Variants in KCNB2 observed in about 807,000 individuals in gnomAD.
KCNB2 encodes the protein potassium voltage-gated channel subfamily B member 2.
A neutral mutation model predicts 61.5 loss-of-function variants in KCNB2; 15 were observed. That is an observed-to-expected ratio of 0.24 (90% CI 0.16 to 0.38). The LOEUF (loss-of-function observed/expected upper bound fraction) is 0.38. Among genes scored for constraint, KCNB2 ranks in the 10% least tolerant of loss-of-function variants. The probability of loss-of-function intolerance (pLI) is 1.00; values close to 1 mark genes in which losing one functional copy is unlikely to be tolerated. For missense variants in KCNB2, 828 were observed against 1,125.2 expected, an observed-to-expected ratio of 0.74 and a Z score of 3.78; for synonymous variants, 457 against 446.0, an observed-to-expected ratio of 1.02 and a Z score of -0.31.
At chr8:72,561,790 C>CATATATATATATATACACAT (rs11469723) in intron 1 of KCNB2, among the ~76,000 whole-genome samples, 1 of 40,378 alleles carries the variant, frequency 2.5e-5, no homozygotes, top group African/African-American at 1.2e-4. Context: ...TATATATATA[C>CATATATATATATATACACAT]ATATATATAT....
chr8:72,764,295 G>A (rs768589941), intron 2 of KCNB2, among the ~76,000 whole-genome samples: 10 of 152,240 alleles, frequency 6.6e-5, no homozygotes, highest in Admixed American at 2.0e-4. Flanking sequence ...TCAAGATTTG[G>A]CAAATAACAG....
In KCNB2 at chr8:72,793,874, C is replaced by A. The variant is rs551263842; in HGVS notation, c.580-142061C>A. 1.2e-4 allele frequency among the ~76,000 whole-genome samples: 19 copies of A among 152,328 alleles called. No individual in the cohort carries two copies. The South Asian group carries it at 3.7e-3, about 30-fold the overall frequency. On this transcript the variant is annotated intron_variant, in intron 2 of 2. Coordinates refer to ENST00000523207, the MANE Select transcript of KCNB2 (RefSeq NM_004770.3). ...CAATTACAGTTGCCTTGAGCTTAGT[C>A]ATTTATTCATCAGAGAGTTTCAACA... is the stretch of plus-strand genomic sequence containing the variant.
intron 2 of KCNB2, among the ~76,000 whole-genome samples, chr8:72,903,387 G>A (rs1321512189): frequency 2.6e-5 from 4 of 152,126 alleles, no homozygotes; most frequent in Non-Finnish European, 5.9e-5. Context: ...GGGCATTTGT[G>A]CTCCAACTCT....
In KCNB2 at chr8:72,937,274, C is replaced by G. The variant is rs532976106; in HGVS notation, c.1919C>G (p.Thr640Arg). Residue 640 changes from threonine (T) to arginine (R), a missense_variant, in exon 3 of 3, where the codon ACA becomes AGA. Coordinates refer to ENST00000523207, the MANE Select transcript of KCNB2 (RefSeq NM_004770.3). ...AAGTTCCCAACCGACCTCCCAGGGA[C>G]AGAAGAGCACCAAAGAGCTAGGGGC... ...QMKFPTDLPGTEEHQRARGPP... is the reference protein window; with the variant it reads ...QMKFPTDLPGREEHQRARGPP... 8.0e-5 allele frequency: 129 copies of G among 1,613,898 alleles called. 1 individual carries two copies. The South Asian group carries it at 1.3e-3, about 16-fold the overall frequency.
At chr8:72,789,846 A>C (rs1398375757) in intron 2 of KCNB2, among the ~76,000 whole-genome samples, 4 of 152,096 alleles carry the variant, frequency 2.6e-5, no homozygotes, top group African/African-American at 9.7e-5. Context: ...GCAGGAGGTG[A>C]TATTAATCTG....
At chr8:72,744,391 A>G (rs1808021921) in intron 2 of KCNB2, among the ~76,000 whole-genome samples, 1 of 152,190 alleles carries the variant, frequency 6.6e-6, no homozygotes. Context: ...AATAACTGCC[A>G]GTTACTATTC....
intron 2 of KCNB2, among the ~76,000 whole-genome samples, chr8:72,671,023 G>T (rs1273062129): frequency 6.6e-6 from 1 of 151,938 alleles, no homozygotes. Flanking sequence ...CTATTATTTT[G>T]TACCTACATA....
Position 72,603,455 on chromosome 8 carries a change from C to T in KCNB2, c.579+35142C>T, listed in dbSNP as rs970957657. On this transcript the variant is annotated intron_variant, in intron 2 of 2. Transcript: ENST00000523207. Reference sequence around the variant, plus strand: ...CCCCATATCTACCTACTAATGTGGCCTATTCACCTTTCAAATTTCCATTCA... The same window carrying T: ...CCCCATATCTACCTACTAATGTGGCTTATTCACCTTTCAAATTTCCATTCA... Among the ~76,000 whole-genome samples the T allele has an allele frequency of 5.9e-5, 9 of 152,166 alleles. 1 individual carries two copies. The highest frequency in any genetic ancestry group is 2.2e-4 in the African/African-American group (9 of 41,440).
At chr8:72,914,040 T>C (rs1428384593) in intron 2 of KCNB2, among the ~76,000 whole-genome samples, 2 of 152,202 alleles carry the variant, frequency 1.3e-5, no homozygotes, top group Non-Finnish European at 2.9e-5. Flanking sequence ...GAAATTTATT[T>C]CTCACAGTTC....
chr8:72,589,923 G>T (rs1807067338), intron 2 of KCNB2, among the ~76,000 whole-genome samples: 1 of 152,172 alleles, frequency 6.6e-6, no homozygotes, highest in Non-Finnish European at 1.5e-5. Context: ...TGGAAATACA[G>T]ATTACTTTAC....
At chr8:72,782,594 C>A (rs78032460) in intron 2 of KCNB2, among the ~76,000 whole-genome samples, 1 of 152,142 alleles carries the variant, frequency 6.6e-6, no homozygotes, top group African/African-American at 2.4e-5. Context: ...AAGCCTGGAG[C>A]TCCTTGTTAT....
At chr8:72,670,297 G>T (rs1423658203) in intron 2 of KCNB2, among the ~76,000 whole-genome samples, 2 of 152,172 alleles carry the variant, frequency 1.3e-5, no homozygotes, top group Non-Finnish European at 2.9e-5. Context: ...TTACTTTAGT[G>T]GTGCCTCCAA....
At chr8:72,852,120 C>G (rs1196335013) in intron 2 of KCNB2, among the ~76,000 whole-genome samples, 1 of 152,014 alleles carries the variant, frequency 6.6e-6, no homozygotes, top group African/African-American at 2.4e-5. Context: ...ATTAGCCAGG[C>G]TTGGTGGCGC....
In KCNB2 at chr8:72,859,571, T is replaced by C. The variant is rs78879115; in HGVS notation, c.580-76364T>C. Among the ~76,000 whole-genome samples, 313 of 152,212 alleles carry C rather than the reference T, an allele frequency of 2.1e-3. 3 individuals are homozygous for C. Among genetic ancestry groups the C allele is most frequent in the African/African-American group, 7.3e-3 (304 of 41,536 alleles). ...GCAAGCCACTAATCTACTTTTTGTC[T>C]CTCTAGATTTGCCTATTCTCGGCAT... is the stretch of plus-strand genomic sequence containing the variant. On this transcript the variant is annotated intron_variant, in intron 2 of 2. Transcript: ENST00000523207.
intron 2 of KCNB2, among the ~76,000 whole-genome samples, chr8:72,860,976 C>A (rs780888672): frequency 6.6e-6 from 1 of 152,152 alleles, no homozygotes; most frequent in Non-Finnish European, 1.5e-5. Flanking sequence ...AAGTTCTTTA[C>A]AAAATATAAA....
At chr8:72,544,091 C>T (rs1003215624) in intron 1 of KCNB2, among the ~76,000 whole-genome samples, 2 of 152,290 alleles carry the variant, frequency 1.3e-5, no homozygotes, top group Admixed American at 6.5e-5. Context: ...TCAGACAGGA[C>T]TTCACAGATG....
intron 2 of KCNB2, among the ~76,000 whole-genome samples, chr8:72,932,174 G>C (rs1211600938): frequency 6.6e-6 from 1 of 152,164 alleles, no homozygotes. Flanking sequence ...GGAAAGGAGA[G>C]AGTTTATTTC....
intron 2 of KCNB2, among the ~76,000 whole-genome samples, chr8:72,918,267 T>A (rs749268269): frequency 9.2e-5 from 14 of 152,228 alleles, no homozygotes; most frequent in Admixed American, 1.3e-4. Flanking sequence ...TGCTAAGTCA[T>A]CATCTGTCTG....
Position 72,845,048 on chromosome 8 carries a change from G to A in KCNB2, c.580-90887G>A, listed in dbSNP as rs555435179. On this transcript the variant is annotated intron_variant, in intron 2 of 2. Coordinates refer to ENST00000523207, the MANE Select transcript of KCNB2 (RefSeq NM_004770.3). ...GTTTTTTGGGATTTTCAGCCTTTTTGTGCTGGTTTTTCCTCATCTTCTTGG... is the reference window on the plus strand; with the variant it reads ...GTTTTTTGGGATTTTCAGCCTTTTTATGCTGGTTTTTCCTCATCTTCTTGG... Among the ~76,000 whole-genome samples, 5 of 152,298 alleles carry A rather than the reference G, an allele frequency of 3.3e-5. No individual in the cohort carries two copies. In the South Asian group the frequency reaches 1.0e-3, roughly 32 times the overall value.
Sources: allele counts gnomAD v4.1 joint callset (sites outside exome capture counted in the v4.1 genomes callset), GRCh38; gene constraint gnomAD v4.1.1; transcripts MANE v1.5; gene names NCBI Gene and HGNC (gene_info 2026-07-23, HGNC 2026-07-21).